The following RAB38 variants were observed in gnomAD, a reference collection of about 807,000 sequenced individuals.
RAB38 encodes the protein ras-related protein Rab-38.
In RAB38, 15 loss-of-function variants were observed where a neutral mutation model predicts 18.4. That is an observed-to-expected ratio of 0.82 (90% CI 0.55 to 1.26). RAB38 has a LOEUF of 1.26. Among genes scored for constraint, RAB38 ranks in the 50% most tolerant of loss-of-function variants. The pLI is 0.00. For missense variants in RAB38, 294 were observed against 267.4 expected, an observed-to-expected ratio of 1.10 and a Z score of -0.69; for synonymous variants, 101 against 104.4, an observed-to-expected ratio of 0.97 and a Z score of 0.20.
chr11:87,938,328 C>T, the RAB38 span, among the ~76,000 whole-genome samples: 8 of 152,030 alleles, frequency 5.3e-5, no homozygotes, highest in East Asian at 1.2e-3. Context: ...AGGTTGGAAG[C>T]TCAGCCTCCC....
the RAB38 span, among the ~76,000 whole-genome samples, chr11:87,845,329 A>G: frequency 6.6e-6 from 1 of 152,162 alleles, no homozygotes; most frequent in African/African-American, 2.4e-5. Context: ...TAAAAAATAA[A>G]ACATCAAAAA....
At chr11:88,157,779 C>A (rs898892553) in intron 1 of RAB38, among the ~76,000 whole-genome samples, 1 of 152,018 alleles carries the variant, frequency 6.6e-6, no homozygotes, top group Admixed American at 6.6e-5. Context: ...TTTAAAAAAT[C>A]TTTTAAATAA....
chr11:88,131,089 T>C (rs1942762088), intron 2 of RAB38, among the ~76,000 whole-genome samples: 1 of 152,152 alleles, frequency 6.6e-6, no homozygotes, highest in Admixed American at 6.6e-5. Flanking sequence ...CATTACATTA[T>C]TTAAAATAGT....
the RAB38 span, among the ~76,000 whole-genome samples, chr11:88,030,489 A>G: frequency 6.1e-3 from 931 of 152,330 alleles, 9 homozygotes; most frequent in African/African-American, 0.021. Context: ...TAGCAAGACT[A>G]ATAAAGAAAA....
At chr11:88,006,747 T>G in the RAB38 span, among the ~76,000 whole-genome samples, 1 of 151,140 alleles carries the variant, frequency 6.6e-6, no homozygotes. Context: ...AACAACCCAG[T>G]CACAGAAAGA....
At chr11:88,112,831 G>A (rs957064847), downstream of RAB38, among the ~76,000 whole-genome samples, 24 of 151,916 alleles carry the variant, frequency 1.6e-4, no homozygotes, top group Admixed American at 4.6e-4. Context: ...ACTCCTGTGA[G>A]TGTATTACAA....
chr11:87,842,364 G>T, the RAB38 span, among the ~76,000 whole-genome samples: 1 of 152,098 alleles, frequency 6.6e-6, no homozygotes, highest in Non-Finnish European at 1.5e-5. Flanking sequence ...AGTTTGGGAG[G>T]GGGGTTTCAG....
the RAB38 span, among the ~76,000 whole-genome samples, chr11:88,019,735 A>G: frequency 6.6e-6 from 1 of 152,176 alleles, no homozygotes; most frequent in Non-Finnish European, 1.5e-5. Flanking sequence ...TTCTCTACTA[A>G]GATGATATTT....
intron 2 of RAB38, among the ~76,000 whole-genome samples, chr11:88,144,377 G>A (rs866166141): frequency 6.6e-6 from 1 of 152,176 alleles, no homozygotes; most frequent in Admixed American, 6.5e-5. Context: ...TAGCTGCAAA[G>A]GAAGCAAAAG....
rs569602447 is a variant in RAB38, at chr11:88,161,148, G to T, written c.203-11193C>A. 1.1e-4 allele frequency among the ~76,000 whole-genome samples: 16 copies of T among 152,098 alleles called. No individual in the cohort carries two copies. In the South Asian group the frequency reaches 2.9e-3, roughly 28 times the overall value. ...ATGTCATGTAATGTAGCACATTTTT[G>T]GTTCCGACCACTTTTTCAAACTCTT... is the stretch of plus-strand genomic sequence containing the variant. On this transcript the variant is annotated intron_variant, in intron 1 of 2. Transcript: ENST00000243662.
At chr11:88,170,647 T>C (rs1484127964) in intron 1 of RAB38, among the ~76,000 whole-genome samples, 2 of 152,212 alleles carry the variant, frequency 1.3e-5, no homozygotes, top group Admixed American at 1.3e-4. Context: ...TAATGTATTC[T>C]TCTGCTGTCA....
intron 1 of RAB38, among the ~76,000 whole-genome samples, chr11:88,163,779 T>C (rs933095299): frequency 6.6e-6 from 1 of 152,128 alleles, no homozygotes; most frequent in Non-Finnish European, 1.5e-5. Context: ...TTTAAAGCAG[T>C]GCATGTGATA....
the RAB38 span, among the ~76,000 whole-genome samples, chr11:88,046,533 T>C: frequency 6.6e-6 from 1 of 152,304 alleles, no homozygotes; most frequent in South Asian, 2.1e-4. Context: ...GCAAATTACC[T>C]AGGCTGTACT....
At chr11:88,167,314 G>A (rs371070732) in intron 1 of RAB38, 1 of 152,164 alleles carries the variant, frequency 6.6e-6, no homozygotes, top group South Asian at 2.1e-4. Context: ...AGATGTGAGA[G>A]ATAAGACTGA....
the RAB38 span, among the ~76,000 whole-genome samples, chr11:88,085,711 A>G: frequency 6.6e-6 from 1 of 152,106 alleles, no homozygotes; most frequent in African/African-American, 2.4e-5. Flanking sequence ...GAACACAGAC[A>G]CACATTTGTT....
Position 88,175,417 on chromosome 11 carries a change from C to A in RAB38, c.-33G>T. The A allele has an allele frequency of 1.2e-6, 2 of 1,608,244 alleles. No individual in the cohort carries two copies. The highest frequency in any genetic ancestry group is 1.7e-6 in the Non-Finnish European group (2 of 1,175,888). On this transcript the variant is annotated 5_prime_UTR_variant, in exon 1 of 3. Coordinates refer to ENST00000243662, the MANE Select transcript of RAB38 (RefSeq NM_022337.3). The stretch of plus-strand genomic sequence containing the variant: ...GCCGGCCAGACGTGCCGTGCCTGAC[C>A]AGGGAAGCGCAGCCTGGGCTCTGCG...
chr11:87,890,977 T>C, the RAB38 span, among the ~76,000 whole-genome samples: 3 of 151,844 alleles, frequency 2.0e-5, no homozygotes, highest in East Asian at 5.9e-4. Flanking sequence ...AAGACCCTTC[T>C]AAGTATAAGG....
chr11:87,846,719 A>G, the RAB38 span, among the ~76,000 whole-genome samples: 1 of 152,108 alleles, frequency 6.6e-6, no homozygotes, highest in African/African-American at 2.4e-5. Flanking sequence ...AGAGCAGTCT[A>G]TCTAATGACT....
chr11:87,883,116 C>T, the RAB38 span, among the ~76,000 whole-genome samples: 3 of 151,858 alleles, frequency 2.0e-5, no homozygotes, highest in African/African-American at 7.2e-5. Context: ...TCTCTGGTTA[C>T]TGCAGGAGGT....
Sources: gnomAD v4.1 joint callset for allele counts (sites outside exome capture counted in the v4.1 genomes callset) on GRCh38, gnomAD v4.1.1 for gene constraint, MANE v1.5 for transcripts, NCBI Gene and HGNC (gene_info 2026-07-23, HGNC 2026-07-21) for gene names.